TENM1: variants seen among roughly 807,000 people sequenced by gnomAD.
TENM1 encodes the protein teneurin-1.
TENM1 carries 35 observed loss-of-function variants against 174.8 expected under a neutral mutation model. The ratio of observed to expected loss-of-function variants is 0.20; its 90% CI spans 0.15 to 0.27. TENM1 has a LOEUF of 0.27. Ranked by LOEUF, TENM1 falls within the 10% of genes least tolerant of loss-of-function variation. The pLI is 1.00. For synonymous variants in TENM1, 781 were observed against 798.7 expected (o/e 0.98, Z 0.37); for missense variants, 1,633 against 2,130.1 (o/e 0.77, Z 4.59).
At chrX:124,664,481 T>C (rs1434305902) in intron 6 of TENM1, among the ~76,000 whole-genome samples, 2 of 100,571 alleles carry the variant, frequency 2.0e-5, no homozygotes, top group African/African-American at 3.8e-5. Flanking sequence ...AGGTCCACAA[T>C]TGGCATTGTA....
At chrX:124,523,688 A>G in intron 16 of TENM1, 63 bp from the exon 20 acceptor site, 1 of 1,102,589 alleles carries the variant, frequency 9.1e-7, no homozygotes, top group South Asian at 2.1e-5. Context: ...ACAGTTAAAA[A>G]ATAGGTTAAT....
At chrX:124,854,108 A>G (rs1052618728) in intron 3 of TENM1, among the ~76,000 whole-genome samples, 6 of 111,174 alleles carry the variant, frequency 5.4e-5, no homozygotes, top group African/African-American at 2.0e-4. Context: ...ATTATTGGCC[A>G]GAGAGAGGTC....
chrX:124,770,287 T>G (rs1169553873), intron 3 of TENM1, among the ~76,000 whole-genome samples: 1 of 111,859 alleles, frequency 8.9e-6, no homozygotes, highest in Non-Finnish European at 1.9e-5. Context: ...CCTGTAACCA[T>G]TTTTACTAGC....
chrX:124,883,428 C>T (rs1300889623), intron 3 of TENM1, among the ~76,000 whole-genome samples: 17 of 112,457 alleles, frequency 1.5e-4, no homozygotes, highest in Admixed American at 1.5e-3. Context: ...CAGCTGGGCC[C>T]CTCCTTGAGC....
rs1356674876 is a variant in TENM1 at position 124,483,037 on chromosome X, A to G, written c.3717-1073T>C. On this transcript the variant is annotated intron_variant, in intron 21 of 31. Transcript: ENST00000422452. Reference sequence around the variant, plus strand: ...GTATCTCTGGCCTGGAATATTTTCTATAGATCGATATGTAGGATGTGTTTT... The same window carrying G: ...GTATCTCTGGCCTGGAATATTTTCTGTAGATCGATATGTAGGATGTGTTTT... Among the ~76,000 whole-genome samples, 7 of 112,124 alleles carry G rather than the reference A, an allele frequency of 6.2e-5. No homozygotes were observed. The Admixed American group carries it at 6.6e-4, about 11-fold the overall frequency.
chrX:124,672,240 C>T (rs1160587509), intron 5 of TENM1, among the ~76,000 whole-genome samples: 1 of 111,651 alleles, frequency 9.0e-6, no homozygotes, highest in Non-Finnish European at 1.9e-5. Context: ...AAGACCTTCT[C>T]TATGGCTTTA....
At chrX:124,681,694 G>A (rs1321183164) in intron 5 of TENM1, among the ~76,000 whole-genome samples, 2 of 111,466 alleles carry the variant, frequency 1.8e-5, no homozygotes, top group Admixed American at 9.6e-5. Flanking sequence ...GCTAACTAGT[G>A]TGTGTAATAA....
At chrX:125,193,563 T>C in the TENM1 span, among the ~76,000 whole-genome samples, 2 of 111,461 alleles carry the variant, frequency 1.8e-5, no homozygotes, top group East Asian at 5.7e-4. Context: ...ACTTAAAGTA[T>C]ATACTTAGGT....
At chrX:125,125,136 T>C in the TENM1 span, among the ~76,000 whole-genome samples, 1 of 112,033 alleles carries the variant, frequency 8.9e-6, no homozygotes, top group Non-Finnish European at 1.9e-5. Context: ...TTAATAGCTA[T>C]TGAATTGCAT....
chrX:124,619,076 C>T (rs914430050), intron 11 of TENM1, among the ~76,000 whole-genome samples: 1 of 111,375 alleles, frequency 9.0e-6, no homozygotes, highest in Non-Finnish European at 1.9e-5. Flanking sequence ...GAGTGAGACC[C>T]TGTCTCTACA....
chrX:124,550,559 G>A (rs1380870571), intron 14 of TENM1, among the ~76,000 whole-genome samples: 1 of 107,680 alleles, frequency 9.3e-6, no homozygotes, highest in African/African-American at 3.4e-5. Flanking sequence ...GCAGTGGGAA[G>A]TAACCTGGGA....
intron 3 of TENM1, among the ~76,000 whole-genome samples, chrX:124,829,537 C>A (rs2056243203): frequency 1.8e-5 from 2 of 111,694 alleles, no homozygotes; most frequent in Admixed American, 9.5e-5. Context: ...GTTGGGAGTA[C>A]ACACATGCTA....
rs542932517 is a variant in TENM1 at position 124,530,563 on chromosome X, T to C, written c.2652-580A>G. Among the ~76,000 whole-genome samples, 21 of 111,625 alleles carry C rather than the reference T, an allele frequency of 1.9e-4. 1 individual carries two copies. In the South Asian group the frequency reaches 7.2e-3, roughly 38 times the overall value. On this transcript the variant is annotated intron_variant, in intron 15 of 31. Coordinates refer to ENST00000422452, the Ensembl canonical transcript of TENM1. ...ATTAGTTTGTTGTGTGCATTTTCTA[T>C]GCATTTACATATATAGTATGAATAT...
chrX:125,097,167 C>T, the TENM1 span, among the ~76,000 whole-genome samples: 1 of 111,418 alleles, frequency 9.0e-6, no homozygotes, highest in East Asian at 2.8e-4. Flanking sequence ...TACTGAAGAC[C>T]AGGTTTCTGG....
rs1160157281 is a variant in TENM1 at position 124,737,095 on chromosome X, G to A, written c.638C>T (p.Ala213Val). 8 of 1,208,740 alleles carry A rather than the reference G, an allele frequency of 6.6e-6. No individual in the cohort carries two copies. In the East Asian group the frequency reaches 8.9e-5, roughly 13 times the overall value. Residue 213 changes from alanine (A) to valine (V), a missense_variant, in exon 4 of 32, where the codon GCG (alanine) becomes GTG (valine). Around this residue, in one of 4 missense-constraint regions of TENM1, gnomAD observed 305 missense variants for 309.2 expected, o/e 0.99. Transcript: ENST00000422452. ...CATTGATCTCCTCTGAAGAGAGTCC[G>A]CTGCAGGGGGTGGCTTCCTGGCACA...
chrX:125,191,484 T>C, the TENM1 span, among the ~76,000 whole-genome samples: 1 of 111,382 alleles, frequency 9.0e-6, no homozygotes, highest in Non-Finnish European at 1.9e-5. Flanking sequence ...GCATAGAAAA[T>C]GAAAGACAAT....
intron 25 of TENM1, among the ~76,000 whole-genome samples, chrX:124,408,877 T>A (rs769480053): frequency 4.1e-3 from 362 of 87,738 alleles, no homozygotes; most frequent in Middle Eastern, 6.5e-3. Context: ...TGTCCATGTG[T>A]TCTCATTGTT....
At chrX:124,483,008 T>C (rs1216930795) in intron 21 of TENM1, among the ~76,000 whole-genome samples, 1 of 112,387 alleles carries the variant, frequency 8.9e-6, no homozygotes, top group Non-Finnish European at 1.9e-5. Context: ...AGTTCTATCT[T>C]TCAGTATCTC....
intron 22 of TENM1, among the ~76,000 whole-genome samples, chrX:124,461,240 T>C (rs998188196): frequency 8.9e-6 from 1 of 111,883 alleles, no homozygotes; most frequent in Non-Finnish European, 1.9e-5. Flanking sequence ...AGATAGGGAA[T>C]AATGAATGCT....
Sources: gnomAD v4.1 joint callset for allele counts (sites outside exome capture counted in the v4.1 genomes callset) on GRCh38, gnomAD v4.1.1 for gene constraint, gnomAD v4.1.1 regional missense constraint, MANE v1.5 for transcripts, NCBI Gene and HGNC (gene_info 2026-07-23, HGNC 2026-07-21) for gene names.